XRRA1: variants seen among roughly 807,000 people sequenced by gnomAD.
XRRA1 encodes X-ray radiation resistance associated 1, also known as X-ray radiation resistance-associated protein 1.
Under a neutral mutation model 80.2 loss-of-function variants are expected in XRRA1, and 69 were observed. The ratio of observed to expected loss-of-function variants is 0.86; its 90% CI spans 0.71 to 1.05. The LOEUF is 1.05. Among genes scored for constraint, XRRA1 ranks in the 50% least tolerant of loss-of-function variants. XRRA1 has a pLI of 0.00. For missense variants in XRRA1, 967 were observed against 976.4 expected (o/e 0.99, Z 0.13); for synonymous variants, 348 against 389.9 (o/e 0.89, Z 1.27).
intron 10 of XRRA1, among the ~76,000 whole-genome samples, chr11:74,902,196 A>T (rs1432063817): frequency 6.6e-6 from 1 of 152,252 alleles, no homozygotes; most frequent in Non-Finnish European, 1.5e-5. Flanking sequence ...AGAGAAATGC[A>T]AATCAAAACT....
At chr11:74,922,719 C>G (rs947361897) in intron 7 of XRRA1, among the ~76,000 whole-genome samples, 1 of 152,190 alleles carries the variant, frequency 6.6e-6, no homozygotes, top group African/African-American at 2.4e-5. Flanking sequence ...TGGTCTGACT[C>G]TGCTGTAATA....
chr11:74,900,112 C>T (rs2137825492), intron 10 of XRRA1, among the ~76,000 whole-genome samples: 1 of 151,534 alleles, frequency 6.6e-6, no homozygotes, highest in South Asian at 2.1e-4. Flanking sequence ...TTGCAGTGAG[C>T]CGAGAAACCG....
intron 10 of XRRA1, among the ~76,000 whole-genome samples, chr11:74,879,407 C>A (rs2046915056): frequency 6.6e-6 from 1 of 152,192 alleles, no homozygotes. Context: ...ATGTTGTCTG[C>A]AAAGAGGGAC....
intron 10 of XRRA1, among the ~76,000 whole-genome samples, chr11:74,883,352 G>T (rs909708681): frequency 2.0e-5 from 3 of 152,192 alleles, no homozygotes; most frequent in African/African-American, 7.2e-5. Context: ...GTGAGGCAAT[G>T]CCTCGCCCTG....
chr11:74,880,147 G>A (rs1327572768), intron 10 of XRRA1, among the ~76,000 whole-genome samples: 1 of 152,114 alleles, frequency 6.6e-6, no homozygotes, highest in African/African-American at 2.4e-5. Flanking sequence ...TTCAGCTCCT[G>A]TTATTGGTCT....
At position 74,843,973 on chromosome 11, in the gene XRRA1, A is replaced by T. The variant is rs925196909; in HGVS notation, c.2044-14T>A. Reference sequence around the variant, plus strand: ...GATTCTCTGGGCCTGGCAGAAGGTCATGGAGGAGGGTGTTATCCCAGGTTT... The same window carrying T: ...GATTCTCTGGGCCTGGCAGAAGGTCTTGGAGGAGGGTGTTATCCCAGGTTT... On this transcript the variant is annotated splice_polypyrimidine_tract_variant and intron_variant, in intron 17 of 18. Coordinates refer to ENST00000684022, the MANE Select transcript of XRRA1 (RefSeq NM_001378157.1). 1 of 1,608,684 alleles carries T rather than the reference A, an allele frequency of 6.2e-7. No individual in the cohort carries two copies. Among genetic ancestry groups the T allele is most frequent in the Non-Finnish European group, 8.5e-7 (1 of 1,175,882 alleles).
chr11:74,875,962 C>T (rs1253764902), intron 10 of XRRA1, among the ~76,000 whole-genome samples: 1 of 152,202 alleles, frequency 6.6e-6, no homozygotes. Flanking sequence ...AGATAGACTT[C>T]ACCCACGTGC....
At chr11:74,877,877 G>C (rs1227143152) in intron 10 of XRRA1, among the ~76,000 whole-genome samples, 1 of 152,100 alleles carries the variant, frequency 6.6e-6, no homozygotes, top group African/African-American at 2.4e-5. Flanking sequence ...GGACATTTGG[G>C]TTGGTTCCAA....
chr11:74,851,808 A>G (rs2039933713), intron 13 of XRRA1, among the ~76,000 whole-genome samples, 181 bp downstream of exon 13: 1 of 152,174 alleles, frequency 6.6e-6, no homozygotes, highest in Non-Finnish European at 1.5e-5. Context: ...GCCTGCTCAC[A>G]GGGTTACTGT....
chr11:74,913,500 G>A (rs2056334647), intron 8 of XRRA1: 1 of 152,096 alleles, frequency 6.6e-6, no homozygotes, highest in Admixed American at 6.5e-5. Flanking sequence ...CTTTTTACTG[G>A]AGCAAATCAA....
In XRRA1 at chr11:74,940,899, GA is replaced by G; in HGVS notation, c.-4-18del. The G allele has an allele frequency of 6.3e-7, 1 of 1,583,638 alleles. No individual in the cohort carries two copies. The highest frequency in any genetic ancestry group is 1.1e-5 in the South Asian group (1 of 87,216). ...GCCATCTCCCTGAGAGCCAGGCAAG[GA>G]AAGCAAGGAAGCAGAAGAGTGAAAA... On this transcript the variant is annotated intron_variant, in intron 2 of 18. Coordinates refer to ENST00000684022, the MANE Select transcript of XRRA1 (RefSeq NM_001378157.1).
At chr11:74,883,377 C>T (rs866816276) in intron 10 of XRRA1, among the ~76,000 whole-genome samples, 30 of 152,150 alleles carry the variant, frequency 2.0e-4, no homozygotes, top group Admixed American at 2.6e-4. Flanking sequence ...GGCTCGCACA[C>T]GGTGTGCGCA....
chr11:74,930,603 C>T (rs1943291003), intron 5 of XRRA1, among the ~76,000 whole-genome samples: 2 of 152,160 alleles, frequency 1.3e-5, no homozygotes, highest in Non-Finnish European at 2.9e-5. Flanking sequence ...CTCTGAAGAC[C>T]CATATAACCA....
At chr11:74,900,919 C>T (rs1331426737) in intron 10 of XRRA1, among the ~76,000 whole-genome samples, 1 of 152,162 alleles carries the variant, frequency 6.6e-6, no homozygotes, top group East Asian at 1.9e-4. Context: ...CCACTTTTAC[C>T]ACCATTATTC....
At chr11:74,847,891 T>A (rs1039917522) in intron 15 of XRRA1, among the ~76,000 whole-genome samples, 1 of 152,152 alleles carries the variant, frequency 6.6e-6, no homozygotes, top group African/African-American at 2.4e-5. Flanking sequence ...CACAGAACCA[T>A]GACTTATCCC....
intron 4 of XRRA1, among the ~76,000 whole-genome samples, chr11:74,936,178 A>G (rs1362278858): frequency 6.6e-6 from 1 of 152,250 alleles, no homozygotes; most frequent in Non-Finnish European, 1.5e-5. Context: ...TTGATTTACA[A>G]AATGCATCCT....
intron 10 of XRRA1, among the ~76,000 whole-genome samples, chr11:74,885,299 G>GT (rs1427400192): frequency 3.9e-5 from 6 of 151,934 alleles, no homozygotes; most frequent in Admixed American, 2.0e-4. Context: ...TACAGGAGTT[G>GT]TTTTTTTGAA....
Position 74,842,976 on chromosome 11 carries a change from T to G in XRRA1, c.*224A>C. On this transcript the variant is annotated 3_prime_UTR_variant, in exon 19 of 19. Coordinates refer to ENST00000684022, the MANE Select transcript of XRRA1 (RefSeq NM_001378157.1). ...ATGTGGCACCCAGTCTATTGCCCTG[T>G]GCACCCACTCTTTATTGCCGCTGGG... The G allele has an allele frequency of 1.7e-6, 1 of 589,718 alleles. No individual in the cohort carries two copies. The highest frequency in any genetic ancestry group is 3.0e-6 in the Non-Finnish European group (1 of 337,402). The allele number at this position is 589,718 out of a possible 1,614,324, so 36.5% of individuals were successfully genotyped here. A position where few individuals can be genotyped will look rare whatever the true frequency, so the allele number is the denominator to read the frequency against.
At chr11:74,891,110 T>C (rs2050571018) in intron 10 of XRRA1, among the ~76,000 whole-genome samples, 1 of 152,166 alleles carries the variant, frequency 6.6e-6, no homozygotes, top group South Asian at 2.1e-4. Context: ...AAAAAGAGTA[T>C]TTTAGACCAA....
Sources: allele counts gnomAD v4.1 joint callset (sites outside exome capture counted in the v4.1 genomes callset), GRCh38; gene constraint gnomAD v4.1.1; transcripts MANE v1.5; gene names NCBI Gene and HGNC (gene_info 2026-07-23, HGNC 2026-07-21).